Variants in COL14A1 observed in about 807,000 individuals in gnomAD.
COL14A1 encodes collagen alpha-1(XIV) chain.
A neutral mutation model predicts 230.3 loss-of-function variants in COL14A1; 136 were observed. The observed-to-expected ratio is 0.59, with a 90% CI of 0.51 to 0.68. The LOEUF (loss-of-function observed/expected upper bound fraction) is 0.68. Ranked by LOEUF, COL14A1 falls within the 30% of genes least tolerant of loss-of-function variation. The pLI, the probability that COL14A1 is intolerant of heterozygous loss-of-function variation, is 0.00. For missense variants in COL14A1, 1,976 were observed against 2,215.8 expected (o/e 0.89, Z 2.17); for synonymous variants, 792 against 784.1 (o/e 1.01, Z -0.17).
At chr8:120,155,436 G>A (rs1815440144) in intron 2 of COL14A1, among the ~76,000 whole-genome samples, 1 of 152,174 alleles carries the variant, frequency 6.6e-6, no homozygotes, top group Non-Finnish European at 1.5e-5. Context: ...ACTAAGAGAT[G>A]TTGAGGGCTA....
chr8:120,280,581 A>G, intron 29 of COL14A1, 130 bp from the exon 30 acceptor site: 1 of 876,116 alleles, frequency 1.1e-6, no homozygotes, highest in Non-Finnish European at 1.8e-6. Flanking sequence ...CCATAGTCAC[A>G]TTTGATTTGT....
chr8:120,317,690 T>C (rs1484974890), intron 40 of COL14A1, among the ~76,000 whole-genome samples: 3 of 152,218 alleles, frequency 2.0e-5, no homozygotes, highest in African/African-American at 4.8e-5. Context: ...AAATCAAACA[T>C]GTTGAATTAG....
chr8:120,261,883 A>G (rs1353806652), intron 23 of COL14A1, among the ~76,000 whole-genome samples: 1 of 152,104 alleles, frequency 6.6e-6, no homozygotes, highest in African/African-American at 2.4e-5. Context: ...ATTGAAGGAA[A>G]CCACTGGTAT....
chr8:120,196,887 G>A lies in COL14A1; in HGVS notation c.533G>A (p.Arg178Gln), dbSNP rs193209164. The A allele has an allele frequency of 3.1e-5, 50 of 1,614,008 alleles. No homozygotes were observed. The highest frequency in any genetic ancestry group is 3.1e-4 in the South Asian group (28 of 91,068). Residue 178 changes from arginine to glutamine, a missense_variant, in exon 6 of 48, where the codon CGG becomes CAG. Physicochemically the swap from Arg to Gln is conservative, Grantham distance 43 (BLOSUM62 1). Transcript: ENST00000297848. ...GGAAGATTCAACTTCAGACTGGTTC[G>A]GCATTTCTTGGAAAACCTGGTTACA... ...SIGRFNFRLVRHFLENLVTAF... is the reference protein window; with the variant it reads ...SIGRFNFRLVQHFLENLVTAF...
At chr8:120,139,334 G>A (rs1814818809) in intron 1 of COL14A1, among the ~76,000 whole-genome samples, 1 of 152,066 alleles carries the variant, frequency 6.6e-6, no homozygotes, top group Non-Finnish European at 1.5e-5. Flanking sequence ...TTAAGCCTAT[G>A]AATTACTCGA....
chr8:120,275,247 G>T (rs1468484652), intron 26 of COL14A1, among the ~76,000 whole-genome samples: 1 of 151,906 alleles, frequency 6.6e-6, no homozygotes, highest in East Asian at 1.9e-4. Flanking sequence ...TTGGGGAAAT[G>T]ACACCCTATT....
chr8:120,238,393 C>T (rs1191877747), intron 19 of COL14A1, among the ~76,000 whole-genome samples: 1 of 152,154 alleles, frequency 6.6e-6, no homozygotes, highest in Non-Finnish European at 1.5e-5. Flanking sequence ...TTCCAGGCAG[C>T]TTTGTTTACA....
At chr8:120,292,145 T>C (rs761151457) in intron 34 of COL14A1, among the ~76,000 whole-genome samples, 1 of 152,168 alleles carries the variant, frequency 6.6e-6, no homozygotes, top group Non-Finnish European at 1.5e-5. Context: ...AGTTTTACAA[T>C]TGTATTTTAA....
Position 120,345,404 on chromosome 8 carries a change from A to G in COL14A1, c.4918A>G (p.Asn1640Asp), listed in dbSNP as rs770666992. The G allele has an allele frequency of 6.3e-7, 1 of 1,595,748 alleles. No homozygotes were observed. Among genetic ancestry groups the G allele is most frequent in the Non-Finnish European group, 8.5e-7 (1 of 1,172,434 alleles). ...SHMARYTAIL[N>D]QIPSHSSSIR... ...CATGGCCAGGTACACTGCCATCCTC[A>G]ACCAGATTCCCAGCCACTCCTCATC... is the stretch of plus-strand genomic sequence containing the variant. Residue 1640 changes from asparagine to aspartate, a missense_variant, in exon 45 of 48, where the codon AAC becomes GAC. This residue lies in a region of COL14A1 where 1,791 missense variants were observed against 2,019.5 expected (regional missense o/e 0.89). Coordinates refer to ENST00000297848, the MANE Select transcript of COL14A1 (RefSeq NM_021110.4).
chr8:120,313,426 TG>T (rs1311621302), intron 37 of COL14A1, among the ~76,000 whole-genome samples: 1 of 152,010 alleles, frequency 6.6e-6, no homozygotes, highest in African/African-American at 2.4e-5. Flanking sequence ...CAGTGGACAT[TG>T]AAGAAGGTGT....
intron 29 of COL14A1, 141 bp from the exon 30 acceptor site, chr8:120,280,570 A>G: frequency 1.2e-6 from 1 of 806,482 alleles, no homozygotes; most frequent in Non-Finnish European, 2.0e-6. Flanking sequence ...ACCACAGAAA[A>G]CCATAGTCAC....
intron 5 of COL14A1, among the ~76,000 whole-genome samples, chr8:120,173,692 A>G (rs543114079): frequency 2.0e-5 from 3 of 149,912 alleles, no homozygotes; most frequent in African/African-American, 7.4e-5. Flanking sequence ...CTATCTATCT[A>G]TCTATTTTAC....
intron 5 of COL14A1, among the ~76,000 whole-genome samples, chr8:120,185,864 C>T (rs1816635680): frequency 6.6e-6 from 1 of 152,132 alleles, no homozygotes. Flanking sequence ...CCTCTGCCTC[C>T]TGGGTTCAAG....
chr8:120,258,469 T>C (rs78063722), intron 23 of COL14A1, among the ~76,000 whole-genome samples: 4,244 of 152,200 alleles, frequency 0.028, 186 homozygotes, highest in African/African-American at 0.095. Flanking sequence ...CTTCCACCCC[T>C]GTATCTGGTG....
intron 42 of COL14A1, among the ~76,000 whole-genome samples, chr8:120,338,860 G>A (rs1277065998): frequency 2.6e-5 from 4 of 152,292 alleles, no homozygotes; most frequent in African/African-American, 9.6e-5. Context: ...TAAGATGGTA[G>A]TTCTTTTCTC....
chr8:120,322,258 A>T (rs1183405883), intron 40 of COL14A1, among the ~76,000 whole-genome samples: 2 of 152,090 alleles, frequency 1.3e-5, no homozygotes, highest in Non-Finnish European at 2.9e-5. Flanking sequence ...ATTAGGAAAA[A>T]TAGCTAATGC....
At chr8:120,195,686 A>T (rs925561863) in intron 5 of COL14A1, among the ~76,000 whole-genome samples, 6 of 152,128 alleles carry the variant, frequency 3.9e-5, no homozygotes, top group African/African-American at 1.4e-4. Flanking sequence ...GTGCAGAGGG[A>T]ATCTCCCTTT....
intron 32 of COL14A1, among the ~76,000 whole-genome samples, chr8:120,284,992 TC>T (rs1820150181): frequency 1.3e-5 from 2 of 152,278 alleles, no homozygotes; most frequent in South Asian, 4.1e-4. Context: ...GGAGTGAGAA[TC>T]TTTTCTCTTT....
intron 3 of COL14A1, among the ~76,000 whole-genome samples, chr8:120,160,733 C>G (rs2130534730): frequency 6.6e-6 from 1 of 152,264 alleles, no homozygotes; most frequent in African/African-American, 2.4e-5. Context: ...ATAGCTGTTT[C>G]AACACTATGA....
Sources: allele counts gnomAD v4.1 joint callset (sites outside exome capture counted in the v4.1 genomes callset), GRCh38; gene constraint gnomAD v4.1.1; regional missense constraint gnomAD v4.1.1; transcripts MANE v1.5; gene names NCBI Gene and HGNC (gene_info 2026-07-23, HGNC 2026-07-21).